Variants in RGS7 observed in about 807,000 individuals in gnomAD.
RGS7 encodes the protein regulator of G-protein signaling 7.
RGS7 carries 27 observed loss-of-function variants against 81.1 expected under a neutral mutation model. That is an observed-to-expected ratio of 0.33 (90% CI 0.25 to 0.46). The LOEUF (loss-of-function observed/expected upper bound fraction) is 0.46. RGS7 is among the 20% of genes least tolerant of loss of function. The pLI, the probability that RGS7 is intolerant of heterozygous loss-of-function variation, is 1.00. For synonymous variants in RGS7, 208 were observed against 207.7 expected (o/e 1.00, Z -0.01); for missense variants, 396 against 607.4 (o/e 0.65, Z 3.66).
chr1:241,176,708 T>A (rs571250314), intron 2 of RGS7, among the ~76,000 whole-genome samples: 3 of 152,134 alleles, frequency 2.0e-5, no homozygotes, highest in East Asian at 3.9e-4. Context: ...GGGCCTTGGA[T>A]ATGGCTGACT....
intron 9 of RGS7, among the ~76,000 whole-genome samples, chr1:240,865,321 G>GTAC: frequency 6.6e-6 from 1 of 152,248 alleles, no homozygotes; most frequent in African/African-American, 2.4e-5. Flanking sequence ...TACACAATAG[G>GTAC]ACAGTCTCTT....
intron 2 of RGS7, among the ~76,000 whole-genome samples, chr1:241,160,809 T>C (rs1251993013): frequency 6.6e-6 from 1 of 152,186 alleles, no homozygotes. Flanking sequence ...TAAATCTTTT[T>C]ATTGAAATTT....
intron 2 of RGS7, among the ~76,000 whole-genome samples, chr1:241,168,927 C>A (rs539989309): frequency 6.7e-6 from 1 of 149,932 alleles, no homozygotes; most frequent in Non-Finnish European, 1.5e-5. Context: ...GTGCCCATAA[C>A]CTGAAGAAGC....
At chr1:241,118,437 C>T (rs60811211) in intron 2 of RGS7, among the ~76,000 whole-genome samples, 22,773 of 152,010 alleles carry the variant, frequency 0.15, 3,079 homozygotes, top group African/African-American at 0.36. Context: ...TATTGAGAAT[C>T]CCAAAGAGAT....
intron 2 of RGS7, among the ~76,000 whole-genome samples, chr1:241,276,437 A>C (rs889245845): frequency 2.0e-5 from 3 of 152,236 alleles, no homozygotes; most frequent in Non-Finnish European, 2.9e-5. Context: ...CAAAAAGAAA[A>C]AATATAGTTC....
chr1:240,811,713 G>A (rs1424126659), intron 14 of RGS7, among the ~76,000 whole-genome samples: 4 of 152,186 alleles, frequency 2.6e-5, no homozygotes, highest in East Asian at 1.9e-4. Flanking sequence ...CAGAGACGGC[G>A]TAAAAATAAG....
intron 18 of RGS7, among the ~76,000 whole-genome samples, chr1:240,787,618 G>C (rs1685285032): frequency 6.6e-6 from 1 of 152,120 alleles, no homozygotes; most frequent in Non-Finnish European, 1.5e-5. Context: ...CTGATAAAAT[G>C]TATGTATGAT....
intron 2 of RGS7, among the ~76,000 whole-genome samples, chr1:241,111,662 T>C (rs925476576): frequency 1.3e-5 from 2 of 152,270 alleles, no homozygotes; most frequent in East Asian, 3.9e-4. Flanking sequence ...ATCCAGTCTA[T>C]TGATGGCCAC....
At chr1:240,843,360 G>C (rs1447750722) in intron 9 of RGS7, among the ~76,000 whole-genome samples, 1 of 151,660 alleles carries the variant, frequency 6.6e-6, no homozygotes, top group Non-Finnish European at 1.5e-5. Flanking sequence ...CAATTTCCTA[G>C]GCTCAGGTGA....
At chr1:241,021,999 C>T (rs2059559592) in intron 3 of RGS7, among the ~76,000 whole-genome samples, 1 of 152,198 alleles carries the variant, frequency 6.6e-6, no homozygotes, top group African/African-American at 2.4e-5. Flanking sequence ...TCTCTGATCA[C>T]TGCATGTTTA....
chr1:240,808,735 T>C (rs1441574094), intron 14 of RGS7, among the ~76,000 whole-genome samples: 2 of 152,050 alleles, frequency 1.3e-5, no homozygotes, highest in Non-Finnish European at 2.9e-5. Context: ...AGGAGCCAGG[T>C]GCAATGGCTT....
chr1:241,046,418 T>C lies in RGS7; in HGVS notation c.175+52248A>G, dbSNP rs546794744. On this transcript the variant is annotated intron_variant, in intron 3 of 18. Transcript: ENST00000440928. ...ACCAAATACTACATGTTCTCACTTA[T>C]AACTGAGTAGAGCCATTGATCCTCA... 3.4e-4 allele frequency among the ~76,000 whole-genome samples: 52 copies of C among 152,126 alleles called. 1 individual carries two copies. The highest frequency in any genetic ancestry group is 1.2e-3 in the African/African-American group (50 of 41,558).
intron 2 of RGS7, among the ~76,000 whole-genome samples, chr1:241,326,442 T>C (rs1019835578): frequency 2.0e-5 from 3 of 152,210 alleles, no homozygotes; most frequent in African/African-American, 7.2e-5. Context: ...TCTCCGTGTA[T>C]CAGTAGGCCT....
intron 3 of RGS7, among the ~76,000 whole-genome samples, chr1:240,999,660 G>T (rs1687833379): frequency 6.6e-6 from 1 of 152,136 alleles, no homozygotes; most frequent in Non-Finnish European, 1.5e-5. Flanking sequence ...GAGTGCAGTG[G>T]TGTGATCTTG....
At chr1:241,161,535 G>A (rs866899909) in intron 2 of RGS7, among the ~76,000 whole-genome samples, 22 of 135,374 alleles carry the variant, frequency 1.6e-4, no homozygotes, top group South Asian at 1.2e-3. Context: ...CTAATATAAC[G>A]AATTATATTA....
chr1:241,348,516 A>G (rs956905325), intron 2 of RGS7, among the ~76,000 whole-genome samples: 2 of 152,242 alleles, frequency 1.3e-5, no homozygotes, highest in African/African-American at 4.8e-5. Context: ...ACAGAGAAAG[A>G]AAGAGAGGCC....
At chr1:240,885,262 C>T (rs7544945) in intron 6 of RGS7, among the ~76,000 whole-genome samples, 39,691 of 151,650 alleles carry the variant, frequency 0.26, 5,513 homozygotes, top group African/African-American at 0.36. Context: ...CAGATGCTGG[C>T]GAGGTTGCAG....
intron 4 of RGS7, among the ~76,000 whole-genome samples, chr1:240,944,282 G>GTGTGTATA (rs1352421845): frequency 2.5e-4 from 14 of 55,816 alleles, no homozygotes; most frequent in East Asian, 2.2e-3. Flanking sequence ...GTGTGTGTGT[G>GTGTGTATA]TATATATATA....
chr1:240,949,435 ACTGT>A (rs1425313087), intron 4 of RGS7, among the ~76,000 whole-genome samples: 3 of 151,940 alleles, frequency 2.0e-5, no homozygotes, highest in Admixed American at 2.0e-4. Flanking sequence ...ATAATTATTC[ACTGT>A]CTGCTTGGTT....
Sources: gnomAD v4.1 joint callset for allele counts (sites outside exome capture counted in the v4.1 genomes callset) on GRCh38, gnomAD v4.1.1 for gene constraint, MANE v1.5 for transcripts, NCBI Gene and HGNC (gene_info 2026-07-23, HGNC 2026-07-21) for gene names.